CDH12: variants seen among roughly 807,000 people sequenced by gnomAD.
CDH12 encodes the protein cadherin 12, also known as cadherin-12.
A neutral mutation model predicts 74.1 loss-of-function variants in CDH12; 41 were observed. That is an observed-to-expected ratio of 0.55 (90% CI 0.43 to 0.72). The LOEUF (loss-of-function observed/expected upper bound fraction) is 0.72. Among genes scored for constraint, CDH12 ranks in the 30% least tolerant of loss-of-function variants. The pLI, the probability that CDH12 is intolerant of heterozygous loss-of-function variation, is 0.00. For synonymous variants in CDH12, 399 were observed against 355.0 expected, an observed-to-expected ratio of 1.12 and a Z score of -1.39; for missense variants, 945 against 977.2, an observed-to-expected ratio of 0.97 and a Z score of 0.44.
chr5:22,609,400 A>G (rs1470256860), intron 1 of CDH12, among the ~76,000 whole-genome samples: 1 of 152,170 alleles, frequency 6.6e-6, no homozygotes, highest in African/African-American at 2.4e-5. Context: ...AACACTCACT[A>G]TATAATCTGA....
chr5:21,895,422 T>C (rs1331054712), intron 6 of CDH12, among the ~76,000 whole-genome samples: 2 of 152,150 alleles, frequency 1.3e-5, no homozygotes, highest in African/African-American at 4.8e-5. Context: ...TGTCTTCCTA[T>C]ATGTCATTAA....
In CDH12 at chr5:22,305,109, T is replaced by A. The variant is rs200581188; in HGVS notation, c.-332-92466A>T. 2.7e-3 allele frequency among the ~76,000 whole-genome samples: 415 copies of A among 152,324 alleles called. 4 individuals are homozygous for A. Among genetic ancestry groups the A allele is most frequent in the Non-Finnish European group, 5.0e-3 (341 of 68,036 alleles). ...AAGCCTCTAAAATATATCTATAACATAAACATATAAAAGGTACTTTGGATT... is the reference window on the plus strand; with the variant it reads ...AAGCCTCTAAAATATATCTATAACAAAAACATATAAAAGGTACTTTGGATT... On this transcript the variant is annotated intron_variant, in intron 3 of 14. Coordinates refer to ENST00000382254, the MANE Select transcript of CDH12 (RefSeq NM_004061.5).
chr5:21,844,518 G>C (rs1280561254), intron 7 of CDH12, among the ~76,000 whole-genome samples: 1 of 152,104 alleles, frequency 6.6e-6, no homozygotes, highest in African/African-American at 2.4e-5. Flanking sequence ...TATCCAGTTG[G>C]TAGCATTACA....
intron 5 of CDH12, among the ~76,000 whole-genome samples, chr5:22,028,901 T>C (rs1309651332): frequency 2.0e-5 from 3 of 152,134 alleles, no homozygotes; most frequent in Non-Finnish European, 4.4e-5. Context: ...ATGGTACTGG[T>C]ACCAAAACAG....
chr5:21,942,093 C>G (rs1162720695), intron 6 of CDH12, among the ~76,000 whole-genome samples: 1 of 151,764 alleles, frequency 6.6e-6, no homozygotes, highest in African/African-American at 2.4e-5. Context: ...AAGATGCCTT[C>G]GAGTTAGGAA....
At chr5:22,259,330 G>A (rs1403785475) in intron 3 of CDH12, among the ~76,000 whole-genome samples, 1 of 151,618 alleles carries the variant, frequency 6.6e-6, no homozygotes, top group Non-Finnish European at 1.5e-5. Context: ...TAAAAAATTG[G>A]GGATTTAAAA....
At chr5:22,559,591 G>A (rs1738952766) in intron 1 of CDH12, among the ~76,000 whole-genome samples, 1 of 152,016 alleles carries the variant, frequency 6.6e-6, no homozygotes, top group Admixed American at 6.6e-5. Context: ...AGAGTTTGAT[G>A]ATGTTACTTT....
intron 4 of CDH12, among the ~76,000 whole-genome samples, chr5:22,102,826 C>T (rs1744224082): frequency 2.0e-5 from 3 of 152,128 alleles, no homozygotes; most frequent in Admixed American, 2.0e-4. Context: ...CACGCTCTCT[C>T]TCTCTCCCTA....
chr5:22,595,536 G>C (rs1736561519), intron 1 of CDH12, among the ~76,000 whole-genome samples: 1 of 152,122 alleles, frequency 6.6e-6, no homozygotes, highest in Non-Finnish European at 1.5e-5. Context: ...AGCTATATAA[G>C]TATGGTTATT....
intron 13 of CDH12, among the ~76,000 whole-genome samples, chr5:21,759,411 C>T (rs758741328): frequency 6.7e-6 from 1 of 150,042 alleles, no homozygotes; most frequent in Non-Finnish European, 1.5e-5. Flanking sequence ...GTCTCTCCCT[C>T]CCTCTAAATA....
chr5:21,981,200 T>C (rs1757290046), intron 5 of CDH12, among the ~76,000 whole-genome samples: 1 of 152,212 alleles, frequency 6.6e-6, no homozygotes, highest in Non-Finnish European at 1.5e-5. Context: ...GTTTATTCTC[T>C]GTGTTGTCAA....
At chr5:22,182,552 A>C (rs997137621) in intron 4 of CDH12, among the ~76,000 whole-genome samples, 1 of 152,212 alleles carries the variant, frequency 6.6e-6, no homozygotes, top group African/African-American at 2.4e-5. Context: ...GTGGGAGCAC[A>C]GTTAATTTTT....
At chr5:22,343,635 G>T (rs974543054) in intron 3 of CDH12, among the ~76,000 whole-genome samples, 4 of 151,848 alleles carry the variant, frequency 2.6e-5, no homozygotes, top group Non-Finnish European at 5.9e-5. Flanking sequence ...AGCCAGGATG[G>T]TCTCAATCTC....
intron 6 of CDH12, among the ~76,000 whole-genome samples, chr5:21,974,362 G>A (rs1265338083): frequency 6.6e-6 from 1 of 152,088 alleles, no homozygotes; most frequent in Non-Finnish European, 1.5e-5. Context: ...CTTAAAGCTG[G>A]AATTCTTAAC....
At chr5:21,811,643 T>TA (rs1747748885) in intron 9 of CDH12, among the ~76,000 whole-genome samples, 1 of 150,360 alleles carries the variant, frequency 6.7e-6, no homozygotes, top group Non-Finnish European at 1.5e-5. Flanking sequence ...TTTGAATTTT[T>TA]AAAAAACTTT....
intron 4 of CDH12, among the ~76,000 whole-genome samples, chr5:22,145,749 G>A (rs866668959): frequency 2.6e-5 from 4 of 152,000 alleles, no homozygotes; most frequent in Admixed American, 1.3e-4. Flanking sequence ...CAATAGTTTC[G>A]AGACAGACAT....
rs1030440753 is a variant in CDH12, at chr5:22,528,000, T to C, written c.-522-22636A>G. Among the ~76,000 whole-genome samples, 5 of 152,302 alleles carry C rather than the reference T, an allele frequency of 3.3e-5. No individual in the cohort carries two copies. In the South Asian group the frequency reaches 1.0e-3, roughly 32 times the overall value. ...TTAATATCCATTTCCACATGTTTCCTGGATTTCTGTCTGTATAAACTAGAA... is the reference window on the plus strand; with the variant it reads ...TTAATATCCATTTCCACATGTTTCCCGGATTTCTGTCTGTATAAACTAGAA... On this transcript the variant is annotated intron_variant, in intron 1 of 14. Coordinates refer to ENST00000382254, the MANE Select transcript of CDH12 (RefSeq NM_004061.5).
intron 2 of CDH12, among the ~76,000 whole-genome samples, chr5:22,458,924 C>T (rs1453322146): frequency 6.6e-6 from 1 of 151,422 alleles, no homozygotes; most frequent in East Asian, 1.9e-4. Flanking sequence ...TTTTTTTTGG[C>T]CTATTAAAAC....
intron 4 of CDH12, among the ~76,000 whole-genome samples, chr5:22,200,986 A>T (rs991698547): frequency 6.6e-6 from 1 of 152,182 alleles, no homozygotes. Flanking sequence ...TTTGCACTCC[A>T]CTTGTAGGGG....
Sources: allele counts gnomAD v4.1 joint callset (sites outside exome capture counted in the v4.1 genomes callset), GRCh38; gene constraint gnomAD v4.1.1; transcripts MANE v1.5; gene names NCBI Gene and HGNC (gene_info 2026-07-23, HGNC 2026-07-21).